Variants in PARD6B observed in about 807,000 individuals in gnomAD.
PARD6B encodes the protein partitioning defective 6 homolog beta.
A neutral mutation model predicts 10.5 loss-of-function variants in PARD6B; 4 were observed. That is an observed-to-expected ratio of 0.38 (90% CI 0.19 to 0.87). The LOEUF (loss-of-function observed/expected upper bound fraction) is 0.87, where lower values mean the gene tolerates loss of function less well. Among genes scored for constraint, PARD6B ranks in the 40% least tolerant of loss-of-function variants. The pLI is 0.41. For missense variants in PARD6B, 396 were observed against 470.6 expected (o/e 0.84, Z 1.47); for synonymous variants, 169 against 170.4 (o/e 0.99, Z 0.07).
intron 1 of PARD6B, among the ~76,000 whole-genome samples, chr20:50,735,352 C>A (rs2087494302): frequency 6.6e-6 from 1 of 152,130 alleles, no homozygotes; most frequent in East Asian, 1.9e-4. Flanking sequence ...GATTCTTAAT[C>A]AATAATCTTG....
chr20:50,734,262 G>C (rs2087487544), intron 1 of PARD6B, among the ~76,000 whole-genome samples: 1 of 152,142 alleles, frequency 6.6e-6, no homozygotes, highest in Admixed American at 6.5e-5. Flanking sequence ...TTTTGAAACA[G>C]TATTTTCTTT....
At chr20:50,744,631 G>GTCTC in intron 2 of PARD6B, among the ~76,000 whole-genome samples, 1 of 151,634 alleles carries the variant, frequency 6.6e-6, no homozygotes, top group African/African-American at 2.4e-5. Flanking sequence ...CTCAGCTCCT[G>GTCTC]ACTCCCTCCC....
intron 2 of PARD6B, among the ~76,000 whole-genome samples, chr20:50,749,116 G>T (rs1042408496): frequency 1.3e-5 from 2 of 152,292 alleles, no homozygotes; most frequent in Admixed American, 1.3e-4. Flanking sequence ...GGCCGAGGTG[G>T]GTGGATCATG....
intron 1 of PARD6B, among the ~76,000 whole-genome samples, chr20:50,732,868 A>G (rs1268727701): frequency 6.6e-6 from 1 of 151,422 alleles, no homozygotes; most frequent in Non-Finnish European, 1.5e-5. Context: ...GAGAAGGCCA[A>G]AACACAGAAA....
intron 1 of PARD6B, 69 bp from the exon 2 acceptor site, chr20:50,737,788 A>C (rs1034250532): frequency 9.9e-7 from 1 of 1,013,136 alleles, no homozygotes; most frequent in African/African-American, 1.7e-5. Context: ...TTTCTATGGC[A>C]TGCATTTTCA....
chr20:50,751,202 T>G lies in PARD6B; in HGVS notation c.*714T>G. 2.2e-6 allele frequency: 2 copies of G among 896,698 alleles called. No individual in the cohort carries two copies. The highest frequency in any genetic ancestry group is 2.7e-6 in the Non-Finnish European group (2 of 749,858). 55.5% of individuals were successfully genotyped at this position (896,698 alleles called of 1,614,324 possible). ...CCAAGTTGGTCTTGAACTCCTGGGCTTAAGCAGTCCTGCCTCGGCTTCCCA... is the reference window on the plus strand; with the variant it reads ...CCAAGTTGGTCTTGAACTCCTGGGCGTAAGCAGTCCTGCCTCGGCTTCCCA... On this transcript the variant is annotated 3_prime_UTR_variant, in exon 3 of 3. Coordinates refer to ENST00000371610, the MANE Select transcript of PARD6B (RefSeq NM_032521.3).
chr20:50,752,026 T>G lies in PARD6B; in HGVS notation c.*1538T>G. 1.0e-6 allele frequency: 1 copy of G among 985,438 alleles called. No individual in the cohort carries two copies. The highest frequency in any genetic ancestry group is 1.2e-6 in the Non-Finnish European group (1 of 829,924). 61.0% of individuals were successfully genotyped at this position (985,438 alleles called of 1,614,324 possible). ...TATCTTTTCTTGAGTTATGAAACTT[T>G]GCAACAGTTGTTCAAATTGGTGTTT... On this transcript the variant is annotated 3_prime_UTR_variant, in exon 3 of 3. Coordinates refer to ENST00000371610, the MANE Select transcript of PARD6B (RefSeq NM_032521.3).
At chr20:50,735,167 T>A (rs939824150) in intron 1 of PARD6B, among the ~76,000 whole-genome samples, 3 of 151,874 alleles carry the variant, frequency 2.0e-5, no homozygotes, top group Non-Finnish European at 2.9e-5. Context: ...AATAAAAAAA[T>A]GCAATAAAGC....
rs114723512 is a variant in PARD6B at position 50,743,110 on chromosome 20, C to T, written c.289+5031C>T. 7.9e-3 allele frequency among the ~76,000 whole-genome samples: 1,196 copies of T among 152,228 alleles called. 13 individuals are homozygous for T. Among genetic ancestry groups the T allele is most frequent in the African/African-American group, 0.026 (1,072 of 41,536 alleles). ...TTTTTAAAAAAATATTTAAAGCTTG[C>T]GCCTTTTAAAAATACTCAGGTCATT... On this transcript the variant is annotated intron_variant, in intron 2 of 2. Transcript: ENST00000371610.
intron 1 of PARD6B, among the ~76,000 whole-genome samples, chr20:50,736,574 T>C (rs959889144): frequency 6.6e-6 from 1 of 152,192 alleles, no homozygotes; most frequent in African/African-American, 2.4e-5. Context: ...CTGGGACACT[T>C]TTTGAGGAAG....
chr20:50,743,784 A>G (rs7269716), intron 2 of PARD6B, among the ~76,000 whole-genome samples: 49,444 of 151,252 alleles, frequency 0.33, 9,699 homozygotes, highest in East Asian at 0.59. Flanking sequence ...AGCTACTCGG[A>G]AGGCTGAGGC....
rs1202390165 is a variant in PARD6B, at chr20:50,731,730, C to G, written c.-57C>G. The G allele has an allele frequency of 1.4e-6, 2 of 1,387,990 alleles. No homozygotes were observed. Among genetic ancestry groups the G allele is most frequent in the Admixed American group, 3.3e-5 (1 of 30,028 alleles). The allele number at this position is 1,387,990 out of a possible 1,614,324, so 86.0% of individuals were successfully genotyped here. On this transcript the variant is annotated 5_prime_UTR_variant, in exon 1 of 3. Coordinates refer to ENST00000371610, the MANE Select transcript of PARD6B (RefSeq NM_032521.3). ...GATCCCCAGTCGCGCACTCGCTCCCCGCGCTCCTGAGGGGCCGCCCGGCCG... is the reference window on the plus strand; with the variant it reads ...GATCCCCAGTCGCGCACTCGCTCCCGGCGCTCCTGAGGGGCCGCCCGGCCG...
At chr20:50,735,238 G>A (rs1460504288) in intron 1 of PARD6B, among the ~76,000 whole-genome samples, 1 of 152,146 alleles carries the variant, frequency 6.6e-6, no homozygotes, top group Non-Finnish European at 1.5e-5. Flanking sequence ...ATAAAAGAAT[G>A]GAGAATGTAA....
rs1280215181 is a variant in PARD6B, at chr20:50,753,487, T to A, written c.*2999T>A. ...ATTTTGTTCTGTATCTTAAGTAAAT[T>A]TATGATAATGTTCTCGAGCTATCAA... On this transcript the variant is annotated 3_prime_UTR_variant, in exon 3 of 3. Transcript: ENST00000371610. The A allele has an allele frequency of 1.0e-6, 1 of 973,718 alleles. No homozygotes were observed. The highest frequency in any genetic ancestry group is 1.8e-5 in the African/African-American group (1 of 57,096). The allele number at this position is 973,718 out of a possible 1,614,324, so 60.3% of individuals were successfully genotyped here.
chr20:50,745,146 C>G (rs907124322), intron 2 of PARD6B, among the ~76,000 whole-genome samples: 1 of 152,186 alleles, frequency 6.6e-6, no homozygotes, highest in African/African-American at 2.4e-5. Context: ...GTTGCCAGAT[C>G]TGGCTGGGCG....
intron 2 of PARD6B, among the ~76,000 whole-genome samples, chr20:50,738,643 ATACT>A (rs1465930646): frequency 1.9e-4 from 29 of 152,346 alleles, no homozygotes; most frequent in Admixed American, 1.3e-3. Context: ...CACCCAGTAA[ATACT>A]TTCTTTCTTT....
chr20:50,741,757 A>G (rs2087531946), intron 2 of PARD6B, among the ~76,000 whole-genome samples: 1 of 151,878 alleles, frequency 6.6e-6, no homozygotes. Context: ...TGTGTTAGCC[A>G]GGATGGTCTC....
chr20:50,745,829 T>C (rs2087564823), intron 2 of PARD6B, among the ~76,000 whole-genome samples: 1 of 152,224 alleles, frequency 6.6e-6, no homozygotes, highest in Non-Finnish European at 1.5e-5. Flanking sequence ...ATGGATTGTC[T>C]GTGGCTGCTT....
At chr20:50,745,256 C>T (rs1023018320) in intron 2 of PARD6B, among the ~76,000 whole-genome samples, 1 of 152,066 alleles carries the variant, frequency 6.6e-6, no homozygotes, top group Admixed American at 6.6e-5. Flanking sequence ...ATGGTGAAAC[C>T]CTGTCTCTAA....
Sources: gnomAD v4.1 joint callset for allele counts (sites outside exome capture counted in the v4.1 genomes callset) on GRCh38, gnomAD v4.1.1 for gene constraint, MANE v1.5 for transcripts, NCBI Gene and HGNC (gene_info 2026-07-23, HGNC 2026-07-21) for gene names.